The following ADGRV1 variants were observed in gnomAD, a reference collection of about 807,000 sequenced individuals.
ADGRV1 encodes G-protein coupled receptor 98.
In ADGRV1, 359 loss-of-function variants were observed where a neutral mutation model predicts 596.2. The observed-to-expected ratio is 0.60, with a 90% confidence interval of 0.55 to 0.66. The LOEUF (loss-of-function observed/expected upper bound fraction) is 0.66. Among genes scored for constraint, ADGRV1 ranks in the 30% least tolerant of loss-of-function variants. The probability of loss-of-function intolerance (pLI) is 0.00; values close to 1 mark genes in which losing one functional copy is unlikely to be tolerated. For missense variants in ADGRV1, 7,274 were observed against 7,575.6 expected, an observed-to-expected ratio of 0.96 and a Z score of 1.48; for synonymous variants, 2,681 against 2,679.2, an observed-to-expected ratio of 1.00 and a Z score of -0.02.
chr5:90,889,417 G>C (rs1445969519), intron 83 of ADGRV1, among the ~76,000 whole-genome samples: 1 of 152,000 alleles, frequency 6.6e-6, no homozygotes, highest in African/African-American at 2.4e-5. Flanking sequence ...CTTATTCAGG[G>C]AATGAGGAAG....
chr5:90,762,161 T>C (rs936248216), intron 58 of ADGRV1, among the ~76,000 whole-genome samples: 1 of 152,180 alleles, frequency 6.6e-6, no homozygotes, highest in African/African-American at 2.4e-5. Flanking sequence ...GTTACATCTA[T>C]GGAATCAAAG....
chr5:91,162,482 C>T (rs773939784), intron 89 of ADGRV1, among the ~76,000 whole-genome samples: 1 of 152,032 alleles, frequency 6.6e-6, no homozygotes, highest in African/African-American at 2.4e-5. Context: ...CCTAGTGAGA[C>T]ATTAGGAGAG....
intron 67 of ADGRV1, among the ~76,000 whole-genome samples, chr5:90,787,491 G>T (rs555036076): frequency 6.6e-6 from 1 of 151,268 alleles, no homozygotes; most frequent in Non-Finnish European, 1.5e-5. Context: ...TTTTAATATA[G>T]ATTTTTATAT....
intron 83 of ADGRV1, among the ~76,000 whole-genome samples, chr5:90,884,951 G>T (rs536728157): frequency 1.9e-4 from 29 of 152,244 alleles, no homozygotes; most frequent in Admixed American, 8.5e-4. Context: ...ATGGCCTGGG[G>T]AGTTTAGTAC....
At chr5:90,795,656 A>C (rs967027601) in intron 70 of ADGRV1, among the ~76,000 whole-genome samples, 2 of 152,232 alleles carry the variant, frequency 1.3e-5, no homozygotes, top group African/African-American at 4.8e-5. Flanking sequence ...ACTAAGGGTC[A>C]GACTGCCTCC....
chr5:91,002,008 G>A (rs1004154757), intron 85 of ADGRV1, among the ~76,000 whole-genome samples: 7 of 151,902 alleles, frequency 4.6e-5, no homozygotes, highest in African/African-American at 1.7e-4. Flanking sequence ...GTTTTTTCTA[G>A]CATTTTGTGT....
At chr5:90,978,220 G>C (rs551537199) in intron 84 of ADGRV1, among the ~76,000 whole-genome samples, 2 of 151,898 alleles carry the variant, frequency 1.3e-5, no homozygotes, top group African/African-American at 4.8e-5. Flanking sequence ...GCGTGAACCC[G>C]GGAGGCGGAG....
Position 90,684,081 on chromosome 5 carries a change from A to C in ADGRV1, c.6160A>C (p.Ser2054Arg), listed in dbSNP as rs1745293768. 6.2e-7 allele frequency: 1 copy of C among 1,613,870 alleles called. No individual in the cohort carries two copies. Among genetic ancestry groups the C allele is most frequent in the African/African-American group, 1.3e-5 (1 of 74,936 alleles). The stretch of plus-strand genomic sequence containing the variant: ...ATTTGCTCTTTTTGGAGCTAATCAG[A>C]GTGAGGCAACAATAGCTATTTCAAT... ...SGFALFGANQ[S>R]EATIAISILD... The change falls in exon 28 of 90, where the codon AGT becomes CGT. Residue 2054 changes from serine to arginine, a missense_variant. Transcript: ENST00000405460.
Position 90,805,443 on chromosome 5 carries a change from A to G in ADGRV1, c.14821A>G (p.Met4941Val). 1 of 1,590,450 alleles carries G rather than the reference A, an allele frequency of 6.3e-7. No homozygotes were observed. The highest frequency in any genetic ancestry group is 1.1e-5 in the South Asian group (1 of 89,482). ...EIPEFIVVGN[M>V]TPTLGSLSFS... ...TCCTGAATTCATTGTTGTTGGCAAC[A>G]TGACCCCAACACTGGGTGAGTTGTA... The change falls in exon 72 of 90, where the codon ATG becomes GTG. Residue 4941 changes from methionine to valine, a missense_variant. Met to Val is a conservative substitution (Grantham distance 21). This residue lies in a region of ADGRV1 where 1,874 missense variants were observed against 1,970.2 expected (regional missense o/e 0.95). Coordinates refer to ENST00000405460, the MANE Select transcript of ADGRV1 (RefSeq NM_032119.4).
intron 50 of ADGRV1, 105 bp from the exon 51 acceptor site, chr5:90,744,941 T>C (rs1754434741): frequency 5.4e-6 from 4 of 741,724 alleles, no homozygotes; most frequent in Non-Finnish European, 9.4e-6. Flanking sequence ...GAAATCACAA[T>C]GGAACTTTGA....
At chr5:90,664,864 G>C (rs1377507082) in intron 21 of ADGRV1, among the ~76,000 whole-genome samples, 1 of 149,952 alleles carries the variant, frequency 6.7e-6, no homozygotes, top group African/African-American at 2.5e-5. Context: ...TGTATCTATT[G>C]AGATAATCAT....
Position 90,644,747 on chromosome 5 carries a change from G to T in ADGRV1, c.2776G>T (p.Val926Phe). ...AAGAAATCGAGGCAACTTTGGTGAT[G>T]TTAGTGTATCATGGGTGGTTAGTCC... The part of the protein sequence containing the change: ...VVRNRGNFGD[V>F]SVSWVVSPDF... The change falls in exon 15 of 90, where the codon GTT becomes TTT. Residue 926 changes from valine (V) to phenylalanine (F), a missense_variant. Coordinates refer to ENST00000405460, the MANE Select transcript of ADGRV1 (RefSeq NM_032119.4). 6.2e-7 allele frequency: 1 copy of T among 1,611,604 alleles called. No homozygotes were observed. Among genetic ancestry groups the T allele is most frequent in the East Asian group, 2.2e-5 (1 of 44,730 alleles).
chr5:90,807,586 T>C lies in ADGRV1; in HGVS notation c.14837-16T>C. 2 of 1,604,906 alleles carry C rather than the reference T, an allele frequency of 1.2e-6. No homozygotes were observed. Among genetic ancestry groups the C allele is most frequent in the Non-Finnish European group, 1.7e-6 (2 of 1,174,136 alleles). On this transcript the variant is annotated splice_polypyrimidine_tract_variant and intron_variant, in intron 72 of 89. Transcript: ENST00000405460. ...AGAAATAATACCCTACTTTGCTTTTTCATGTTTTCTTTCAGGGAGCCTTTC... is the reference window on the plus strand; with the variant it reads ...AGAAATAATACCCTACTTTGCTTTTCCATGTTTTCTTTCAGGGAGCCTTTC...
At chr5:90,653,138 C>CT in intron 19 of ADGRV1, 71 bp from the exon 20 acceptor site, 1 of 1,366,734 alleles carries the variant, frequency 7.3e-7, no homozygotes, top group Non-Finnish European at 9.8e-7. Flanking sequence ...TAAACAAATT[C>CT]TTTTTTCTTC....
At chr5:91,146,662 G>T (rs1795556348) in intron 87 of ADGRV1, among the ~76,000 whole-genome samples, 1 of 152,036 alleles carries the variant, frequency 6.6e-6, no homozygotes, top group South Asian at 2.1e-4. Flanking sequence ...CAATGTGAAT[G>T]GATCACTATT....
chr5:90,934,781 A>G (rs1016744824), intron 83 of ADGRV1, among the ~76,000 whole-genome samples: 3 of 152,216 alleles, frequency 2.0e-5, no homozygotes, highest in Admixed American at 1.3e-4. Context: ...AGAGCAGGGC[A>G]CTTACAAAGT....
intron 83 of ADGRV1, among the ~76,000 whole-genome samples, chr5:90,877,278 C>T (rs1442089556): frequency 6.6e-6 from 1 of 151,736 alleles, no homozygotes; most frequent in Non-Finnish European, 1.5e-5. Flanking sequence ...TGCAAGGAAT[C>T]TGGGTTGGTT....
At chr5:90,754,885 C>A (rs1459790644) in intron 54 of ADGRV1, 98 bp from the exon 55 acceptor site, 1 of 802,644 alleles carries the variant, frequency 1.2e-6, no homozygotes, top group South Asian at 1.7e-5. Flanking sequence ...CCTTAACTGT[C>A]TACAAGGGAT....
At chr5:90,665,646 C>T (rs1264102428) in intron 21 of ADGRV1, among the ~76,000 whole-genome samples, 1 of 149,110 alleles carries the variant, frequency 6.7e-6, no homozygotes, top group Non-Finnish European at 1.5e-5. Flanking sequence ...TATTTCTTGC[C>T]TTCTGCTTGC....
Sources: gnomAD v4.1 joint callset for allele counts (sites outside exome capture counted in the v4.1 genomes callset) on GRCh38, gnomAD v4.1.1 for gene constraint, gnomAD v4.1.1 regional missense constraint, MANE v1.5 for transcripts, NCBI Gene and HGNC (gene_info 2026-07-23, HGNC 2026-07-21) for gene names.